The following SLC38A7 variants were observed in gnomAD, a reference collection of about 807,000 sequenced individuals.
SLC38A7 encodes the protein sodium-coupled neutral amino acid transporter 7.
A neutral mutation model predicts 50.1 loss-of-function variants in SLC38A7; 29 were observed. That is an observed-to-expected ratio of 0.58 (90% confidence interval 0.43 to 0.79). SLC38A7 has a LOEUF of 0.79. Ranked by LOEUF, SLC38A7 falls within the 30% of genes least tolerant of loss-of-function variation. The probability of loss-of-function intolerance (pLI) is 0.00; values close to 1 mark genes in which losing one functional copy is unlikely to be tolerated. For missense variants in SLC38A7, 483 were observed against 610.6 expected (o/e 0.79, Z 2.20); for synonymous variants, 244 against 245.9 (o/e 0.99, Z 0.07).
chr16:58,680,132 C>CG lies in SLC38A7; in HGVS notation c.-7dup. On this transcript the variant is annotated 5_prime_UTR_variant, in exon 3 of 12. Coordinates refer to ENST00000219320, the MANE Select transcript of SLC38A7 (RefSeq NM_018231.3). The stretch of plus-strand genomic sequence containing the variant: ...TTGATGCTGACCTGGGCCATGGCCC[C>CG]GAGAGCCTTCTTCCTGCAAGGTCTG... 1 of 1,515,184 alleles carries CG rather than the reference C, an allele frequency of 6.6e-7. No individual in the cohort carries two copies. The highest frequency in any genetic ancestry group is 8.8e-7 in the Non-Finnish European group (1 of 1,130,834). The allele number at this position is 1,515,184 out of a possible 1,614,324, so 93.9% of individuals were successfully genotyped here. A position where few individuals can be genotyped will look rare whatever the true frequency, so the allele number is the denominator to read the frequency against.
At chr16:58,673,915 TC>T (rs2044210656) in intron 8 of SLC38A7, among the ~76,000 whole-genome samples, 1 of 151,616 alleles carries the variant, frequency 6.6e-6, no homozygotes, top group Non-Finnish European at 1.5e-5. Context: ...AACCTCGGCC[TC>T]CCAGGTTCAA....
At chr16:58,668,025 G>A (rs956384020) in intron 11 of SLC38A7, among the ~76,000 whole-genome samples, 3 of 152,138 alleles carry the variant, frequency 2.0e-5, no homozygotes, top group African/African-American at 7.2e-5. Context: ...AATTAGGCTG[G>A]GTGCAGTGGC....
chr16:58,682,935 A>C (rs1423293179), intron 2 of SLC38A7, among the ~76,000 whole-genome samples: 1 of 148,852 alleles, frequency 6.7e-6, no homozygotes, highest in Non-Finnish European at 1.5e-5. Context: ...CAACTTTTTA[A>C]ATTTTTTGTT....
At chr16:58,669,712 C>T (rs3784911) in intron 11 of SLC38A7, among the ~76,000 whole-genome samples, 19,359 of 150,372 alleles carry the variant, frequency 0.13, 1,557 homozygotes, top group East Asian at 0.42. Flanking sequence ...TGGTGGCTCA[C>T]GCCTGTAATG....
In SLC38A7 at chr16:58,680,064, C is replaced by T. The variant is rs1268297427; in HGVS notation, c.63G>A (p.Glu21=). The T allele has an allele frequency of 6.3e-7, 1 of 1,579,960 alleles. No homozygotes were observed. The highest frequency in any genetic ancestry group is 8.6e-7 in the Non-Finnish European group (1 of 1,162,542). ...AGGGACTCTGCAGCAGCCGAGCCCG[C>T]TCCCCGGCATCCGTGCTCAAGTCCC... ...SEWDLSTDAG[E]RARLLQSPCV... is the part of the protein sequence containing the mutation. Residue 21 remains glutamate, a synonymous_variant, in exon 3 of 12, where the codon GAG becomes GAA. Coordinates refer to ENST00000219320, the MANE Select transcript of SLC38A7 (RefSeq NM_018231.3).
chr16:58,679,770 T>A (rs755031267), intron 3 of SLC38A7, 87 bp downstream of exon 3: 35 of 1,557,284 alleles, frequency 2.2e-5, no homozygotes, highest in Non-Finnish European at 3.0e-5. Flanking sequence ...GTGTATCACT[T>A]ACTGGCCATC....
chr16:58,670,927 C>T, intron 10 of SLC38A7, 118 bp downstream of exon 10: 1 of 1,062,348 alleles, frequency 9.4e-7, no homozygotes, highest in Non-Finnish European at 1.4e-6. Context: ...GACAGGTGAT[C>T]AATTAGTGCT....
chr16:58,682,635 A>AT (rs11292515), intron 2 of SLC38A7, among the ~76,000 whole-genome samples: 51 of 143,486 alleles, frequency 3.6e-4, no homozygotes, highest in Admixed American at 2.8e-4. Flanking sequence ...AACTTTTAAA[A>AT]TTTTTTTTTT....
chr16:58,675,252 AC>A, intron 8 of SLC38A7: 1 of 379,222 alleles, frequency 2.6e-6, no homozygotes, highest in Non-Finnish European at 5.1e-6. Flanking sequence ...CATGCCTGTA[AC>A]CCCAGCACTT....
chr16:58,676,079 T>C (rs777844057), intron 7 of SLC38A7, 25 bp from the exon 8 acceptor site: 6 of 1,607,114 alleles, frequency 3.7e-6, no homozygotes, highest in Non-Finnish European at 5.1e-6. Context: ...GGCACCGTCA[T>C]GGTGGGGAAA....
At chr16:58,670,204 G>T (rs564897096) in intron 10 of SLC38A7, 37 bp from the exon 11 acceptor site, 1 of 1,608,002 alleles carries the variant, frequency 6.2e-7, no homozygotes. Context: ...ATTTGTGAGG[G>T]GAGAGGGCTC....
At chr16:58,675,490 G>A in intron 8 of SLC38A7, 1 of 284,850 alleles carries the variant, frequency 3.5e-6, no homozygotes, top group Admixed American at 4.5e-5. Flanking sequence ...ACTCCAGCCT[G>A]GGCGACAGTT....
Position 58,676,322 on chromosome 16 carries a change from G to T in SLC38A7, c.735C>A (p.Phe245Leu). 8.7e-6 allele frequency: 14 copies of T among 1,614,168 alleles called. No homozygotes were observed. Among genetic ancestry groups the T allele is most frequent in the Non-Finnish European group, 1.2e-5 (14 of 1,180,032 alleles). ...CGAAGCAGATGGTGGGCATGGCATT[G>T]AACACAGCCATCCAGGAAGCCGGCC... is the stretch of plus-strand genomic sequence containing the variant. Reference protein sequence around the residue: ...LTRPASWMAVFNAMPTICFGF... With the variant: ...LTRPASWMAVLNAMPTICFGF... The change falls in exon 7 of 12, where the codon TTC becomes TTA. Residue 245 changes from phenylalanine (F) to leucine (L), a missense_variant. By Grantham distance (22) the Phe-to-Leu change is conservative. Transcript: ENST00000219320.
At chr16:58,676,398 A>G in intron 6 of SLC38A7, 52 bp from the exon 7 acceptor site, 1 of 1,597,498 alleles carries the variant, frequency 6.3e-7, no homozygotes, top group South Asian at 1.1e-5. Context: ...CAGAGCCACA[A>G]CCCACCCCAC....
chr16:58,673,707 C>T (rs922950257), intron 8 of SLC38A7, among the ~76,000 whole-genome samples: 18 of 146,476 alleles, frequency 1.2e-4, no homozygotes, highest in Non-Finnish European at 1.9e-4. Flanking sequence ...CTCTGTCACT[C>T]AGGCTGGAGT....
intron 8 of SLC38A7, among the ~76,000 whole-genome samples, chr16:58,673,049 T>C (rs914223109): frequency 1.4e-5 from 2 of 148,022 alleles, no homozygotes; most frequent in Admixed American, 1.4e-4. Flanking sequence ...TGCCTCAGCC[T>C]CCTGAGTAGC....
chr16:58,671,321 C>G, intron 9 of SLC38A7, 77 bp from the exon 10 acceptor site: 1 of 1,460,128 alleles, frequency 6.8e-7, no homozygotes, highest in Non-Finnish European at 9.4e-7. Flanking sequence ...GAGCCAGACC[C>G]CTAACTGGGT....
rs1283281052 is a variant in SLC38A7 at position 58,671,063 on chromosome 16, A to C, written c.1213T>G (p.Phe405Val). Residue 405 changes from phenylalanine to valine, a missense_variant, in exon 10 of 12, where the codon TTC (phenylalanine) becomes GTC (valine). By Grantham distance (50) the Phe-to-Val change is conservative. Coordinates refer to ENST00000219320, the MANE Select transcript of SLC38A7 (RefSeq NM_018231.3). ...TCCGCACCTGGGAAGACGAAGATGA[A>C]GCAGGCGGCCAGGCCTCCAATGACT... ...ISVIGGLAAC[F>V]IFVFPGLCLI... 1.9e-6 allele frequency: 3 copies of C among 1,606,056 alleles called. No homozygotes were observed. The highest frequency in any genetic ancestry group is 2.5e-6 in the Non-Finnish European group (3 of 1,176,710).
chr16:58,670,497 G>T (rs538621723), intron 10 of SLC38A7, among the ~76,000 whole-genome samples: 1 of 152,374 alleles, frequency 6.6e-6, no homozygotes, highest in African/African-American at 2.4e-5. Flanking sequence ...AAGCAAAGCA[G>T]CTGGGGCTTT....
Sources: allele counts gnomAD v4.1 joint callset (sites outside exome capture counted in the v4.1 genomes callset), GRCh38; gene constraint gnomAD v4.1.1; transcripts MANE v1.5; gene names NCBI Gene and HGNC (gene_info 2026-07-23, HGNC 2026-07-21).